UGGT2: variants seen among roughly 807,000 people sequenced by gnomAD.
The protein encoded by UGGT2 is UDP-glucose glycoprotein glucosyltransferase 2, also known as UDP-glucose:glycoprotein glucosyltransferase 2.
Under a neutral mutation model 192.1 loss-of-function variants are expected in UGGT2, and 180 were observed. That is an observed-to-expected ratio of 0.94 (90% confidence interval 0.83 to 1.06). The LOEUF is 1.06. UGGT2 is among the 50% of genes least tolerant of loss of function. UGGT2 has a pLI of 0.00. For synonymous variants in UGGT2, 580 were observed against 591.0 expected (o/e 0.98, Z 0.27); for missense variants, 1,849 against 1,795.7 (o/e 1.03, Z -0.54).
chr13:96,001,979 C>T (rs1033176196), intron 5 of UGGT2, among the ~76,000 whole-genome samples: 9 of 152,190 alleles, frequency 5.9e-5, no homozygotes, highest in Non-Finnish European at 1.0e-4. Context: ...ATACATGTGA[C>T]ATGAAAAATA....
intron 31 of UGGT2, among the ~76,000 whole-genome samples, chr13:95,862,881 G>A (rs1235922142): frequency 1.3e-5 from 2 of 151,824 alleles, no homozygotes; most frequent in African/African-American, 2.4e-5. Context: ...TTTCTTTTTC[G>A]AGACAGGGTC....
chr13:95,855,277 C>A (rs1259141381), intron 34 of UGGT2, among the ~76,000 whole-genome samples: 2 of 151,964 alleles, frequency 1.3e-5, no homozygotes, highest in African/African-American at 2.4e-5. Context: ...CAGAGTGAGA[C>A]CCTGTCTCTT....
intron 9 of UGGT2, chr13:95,985,053 A>G (rs2051246859): frequency 5.7e-6 from 1 of 176,738 alleles, no homozygotes. Context: ...TTTCTTAATT[A>G]CAGATTAACA....
chr13:95,959,749 A>G (rs1223373076), intron 12 of UGGT2, among the ~76,000 whole-genome samples: 4 of 152,116 alleles, frequency 2.6e-5, no homozygotes, highest in African/African-American at 9.7e-5. Flanking sequence ...TCAGGTGCTC[A>G]AGAACCTACC....
At chr13:95,867,566 T>A (rs1890788803) in intron 29 of UGGT2, 143 bp from the exon 30 acceptor site, 2 of 581,714 alleles carry the variant, frequency 3.4e-6, no homozygotes, top group South Asian at 5.1e-5. Context: ...CTATAGTCAA[T>A]TAAGATATAC....
chr13:95,951,910 T>G (rs137901113), intron 12 of UGGT2, among the ~76,000 whole-genome samples: 68 of 152,026 alleles, frequency 4.5e-4, no homozygotes, highest in African/African-American at 1.6e-3. Context: ...ATACAAAAAT[T>G]AGCCAGGCAT....
chr13:95,818,146 GA>G (rs1237550497), intron 38 of UGGT2, among the ~76,000 whole-genome samples: 2 of 152,024 alleles, frequency 1.3e-5, no homozygotes, highest in Non-Finnish European at 2.9e-5. Flanking sequence ...CGTCTCTACT[GA>G]AAACAACAAT....
intron 38 of UGGT2, 183 bp downstream of exon 38, chr13:95,832,744 A>G (rs1229760673): frequency 1.2e-6 from 1 of 828,938 alleles, no homozygotes; most frequent in African/African-American, 1.7e-5. Context: ...GGGGAAACAG[A>G]TTATCTATGT....
chr13:95,870,823 C>T (rs1891154156), intron 29 of UGGT2, among the ~76,000 whole-genome samples: 1 of 152,172 alleles, frequency 6.6e-6, no homozygotes, highest in Non-Finnish European at 1.5e-5. Context: ...AGAGGTGGGA[C>T]CCTTAATAGG....
chr13:95,852,758 G>C (rs1164297595), intron 36 of UGGT2, among the ~76,000 whole-genome samples: 3 of 152,180 alleles, frequency 2.0e-5, no homozygotes, highest in African/African-American at 7.2e-5. Flanking sequence ...GAAATTGATA[G>C]GATATTAGGA....
At chr13:96,014,845 T>C (rs867740752) in intron 4 of UGGT2, among the ~76,000 whole-genome samples, 1 of 152,222 alleles carries the variant, frequency 6.6e-6, no homozygotes, top group African/African-American at 2.4e-5. Flanking sequence ...GTCACTTATA[T>C]AGCAGCTGGA....
At chr13:95,949,534 A>G in intron 12 of UGGT2, 80 bp from the exon 13 acceptor site, 1 of 1,255,282 alleles carries the variant, frequency 8.0e-7, no homozygotes, top group Non-Finnish European at 1.0e-6. Context: ...CTATATCGTG[A>G]TAAATAAAAA....
At chr13:95,946,988 T>C (rs750962558) in intron 15 of UGGT2, 49 bp downstream of exon 15, 4 of 1,471,290 alleles carry the variant, frequency 2.7e-6, no homozygotes, top group African/African-American at 2.8e-5. Flanking sequence ...AATATAGTAA[T>C]GCAAGAATTT....
chr13:95,927,140 A>C lies in UGGT2; in HGVS notation c.2102-14T>G, dbSNP rs1432826834. On this transcript the variant is annotated splice_polypyrimidine_tract_variant and intron_variant, in intron 18 of 38. Transcript: ENST00000376747. ...CATCAGCAGTTACTGAAAAATTTCA[A>C]ATTAAACGTTAAATATAAATAAAGA... 1 of 1,606,012 alleles carries C rather than the reference A, an allele frequency of 6.2e-7. No individual in the cohort carries two copies. The highest frequency in any genetic ancestry group is 8.5e-7 in the Non-Finnish European group (1 of 1,177,610).
chr13:96,033,010 A>T (rs1269437652), intron 1 of UGGT2, among the ~76,000 whole-genome samples: 1 of 152,218 alleles, frequency 6.6e-6, no homozygotes, highest in South Asian at 2.1e-4. Flanking sequence ...ACTTCTTCCA[A>T]CTACCAGAAT....
At chr13:95,962,479 C>T (rs2050429778) in intron 12 of UGGT2, among the ~76,000 whole-genome samples, 1 of 152,032 alleles carries the variant, frequency 6.6e-6, no homozygotes, top group East Asian at 1.9e-4. Context: ...ATATACAACA[C>T]ACCAAGACTG....
rs2052583135 is a variant in UGGT2, at chr13:96,023,712, A to T, written c.289T>A (p.Phe97Ile). 6.2e-7 allele frequency: 1 copy of T among 1,610,818 alleles called. No homozygotes were observed. Among genetic ancestry groups the T allele is most frequent in the Non-Finnish European group, 8.5e-7 (1 of 1,177,736 alleles). The change falls in exon 3 of 39, where the codon TTT (phenylalanine) becomes ATT (isoleucine). Residue 97 changes from phenylalanine to isoleucine, a missense_variant. Physicochemically the swap from Phe to Ile is conservative, Grantham distance 21. Coordinates refer to ENST00000376747, the MANE Select transcript of UGGT2 (RefSeq NM_020121.4). ...YNLILKKAGQFLDNLHINLLK... is the reference protein window; with the variant it reads ...YNLILKKAGQILDNLHINLLK... ...AGGTTGATGTGTAAATTGTCTAGAAACTGTCCAGCTTTCTTCAGGATTAAG... is the reference window on the plus strand; with the variant it reads ...AGGTTGATGTGTAAATTGTCTAGAATCTGTCCAGCTTTCTTCAGGATTAAG...
intron 27 of UGGT2, among the ~76,000 whole-genome samples, chr13:95,881,194 A>G (rs1444432420): frequency 1.3e-5 from 2 of 152,148 alleles, no homozygotes; most frequent in Non-Finnish European, 2.9e-5. Context: ...CCATGTCAAA[A>G]CAAAACAAAA....
intron 1 of UGGT2, among the ~76,000 whole-genome samples, chr13:96,047,860 G>C (rs2053364345): frequency 3.9e-5 from 6 of 151,978 alleles, no homozygotes; most frequent in African/African-American, 4.8e-5. Flanking sequence ...CCTAGAAAGA[G>C]ATTTAGACTC....
Sources: allele counts gnomAD v4.1 joint callset (sites outside exome capture counted in the v4.1 genomes callset), GRCh38; gene constraint gnomAD v4.1.1; transcripts MANE v1.5; gene names NCBI Gene and HGNC (gene_info 2026-07-23, HGNC 2026-07-21).